Variants in ZSWIM5 observed in about 807,000 individuals in gnomAD.
ZSWIM5 encodes the protein zinc finger SWIM domain-containing protein 5.
Under a neutral mutation model 119.6 loss-of-function variants are expected in ZSWIM5, and 55 were observed. The observed-to-expected ratio is 0.46, with a 90% CI of 0.37 to 0.58. The LOEUF (loss-of-function observed/expected upper bound fraction) is 0.58. Among genes scored for constraint, ZSWIM5 ranks in the 20% least tolerant of loss-of-function variants. The pLI is 0.00. For missense variants in ZSWIM5, 1,193 were observed against 1,512.8 expected, an observed-to-expected ratio of 0.79 and a Z score of 3.51; for synonymous variants, 537 against 606.9, an observed-to-expected ratio of 0.88 and a Z score of 1.69.
chr1:45,132,594 C>T (rs1209312700), intron 1 of ZSWIM5, among the ~76,000 whole-genome samples: 1 of 151,766 alleles, frequency 6.6e-6, no homozygotes, highest in Non-Finnish European at 1.5e-5. Context: ...TATAATGTGC[C>T]TACGGGAAAA....
intron 1 of ZSWIM5, among the ~76,000 whole-genome samples, chr1:45,100,773 A>G (rs1645435117): frequency 6.6e-6 from 1 of 152,230 alleles, no homozygotes; most frequent in South Asian, 2.1e-4. Flanking sequence ...GATCTTTGAC[A>G]AACCTGACAA....
In ZSWIM5 at chr1:45,205,817, G is replaced by C. The variant is rs764774721; in HGVS notation, c.534C>G (p.Leu178=). The part of the protein sequence containing the change: ...AGAAGCGGEG[L]PFRRGIRLLD... The stretch of plus-strand genomic sequence containing the variant: ...GCAGACGGATGCCCCGGCGGAACGG[G>C]AGCCCCTCGCCACCGCAGCCGGCCG... The change falls in exon 1 of 14, where the codon CTC becomes CTG. Residue 178 remains leucine, a synonymous_variant. Coordinates refer to ENST00000359600, the MANE Select transcript of ZSWIM5 (RefSeq NM_020883.2). 17 of 1,532,010 alleles carry C rather than the reference G, an allele frequency of 1.1e-5. No homozygotes were observed. The Admixed American group carries it at 3.2e-4, about 29-fold the overall frequency. 94.9% of individuals were successfully genotyped at this position (1,532,010 alleles called of 1,614,324 possible).
intron 1 of ZSWIM5, among the ~76,000 whole-genome samples, chr1:45,090,197 C>G (rs1374969513): frequency 6.6e-6 from 1 of 152,128 alleles, no homozygotes; most frequent in East Asian, 1.9e-4. Context: ...TCACATAAAG[C>G]CACATTTAGG....
intron 1 of ZSWIM5, among the ~76,000 whole-genome samples, chr1:45,111,693 G>T: frequency 6.6e-6 from 1 of 152,224 alleles, no homozygotes; most frequent in Non-Finnish European, 1.5e-5. Flanking sequence ...GCCAGCAATG[G>T]CTGTATCTTA....
At chr1:45,129,896 A>C (rs1645644654) in intron 1 of ZSWIM5, among the ~76,000 whole-genome samples, 1 of 152,062 alleles carries the variant, frequency 6.6e-6, no homozygotes, top group Non-Finnish European at 1.5e-5. Context: ...AATCCATAAA[A>C]GGAAATTTTT....
chr1:45,172,845 T>A (rs901987409), intron 1 of ZSWIM5, among the ~76,000 whole-genome samples: 8 of 152,132 alleles, frequency 5.3e-5, no homozygotes, highest in African/African-American at 1.9e-4. Context: ...CTCTTCAGAA[T>A]GTTGTGCCTC....
intron 1 of ZSWIM5, among the ~76,000 whole-genome samples, chr1:45,135,635 T>A (rs1645684748): frequency 6.6e-6 from 1 of 152,222 alleles, no homozygotes. Context: ...AAGAGACACA[T>A]GTCTACTAAG....
intron 1 of ZSWIM5, among the ~76,000 whole-genome samples, chr1:45,175,344 A>G (rs184293266): frequency 8.0e-4 from 122 of 152,248 alleles, no homozygotes; most frequent in African/African-American, 2.8e-3. Flanking sequence ...GTTTGCCTGG[A>G]TTCCTCACTT....
At chr1:45,087,429 T>G (rs1645337422) in intron 2 of ZSWIM5, among the ~76,000 whole-genome samples, 1 of 152,226 alleles carries the variant, frequency 6.6e-6, no homozygotes. Context: ...CAATATATAG[T>G]TCATAAGCAC....
intron 1 of ZSWIM5, among the ~76,000 whole-genome samples, chr1:45,091,847 G>T (rs991383515): frequency 3.9e-5 from 6 of 152,022 alleles, no homozygotes; most frequent in African/African-American, 1.2e-4. Context: ...TTAGATTTGA[G>T]ACTGAAATAG....
At chr1:45,134,946 G>A (rs988639980) in intron 1 of ZSWIM5, among the ~76,000 whole-genome samples, 1 of 152,160 alleles carries the variant, frequency 6.6e-6, no homozygotes, top group Non-Finnish European at 1.5e-5. Context: ...ACACATCATT[G>A]TATGTATATA....
At chr1:45,038,842 C>T in intron 8 of ZSWIM5, 94 bp downstream of exon 8, 2 of 1,494,648 alleles carry the variant, frequency 1.3e-6, no homozygotes, top group Non-Finnish European at 1.8e-6. Context: ...GTAATCCACC[C>T]ACCTTGGCCT....
At position 45,099,999 on chromosome 1, in the gene ZSWIM5, G is replaced by GCCCT. The variant is rs1424295609; in HGVS notation, c.596-11766_596-11763dup. The stretch of plus-strand genomic sequence containing the variant: ...TTGAAAACTGGCACAAGACAGGGAT[G>GCCCT]CCCTCTCTCACAACTCCTATTCAAC... On this transcript the variant is annotated intron_variant, in intron 1 of 13. Transcript: ENST00000359600. 3.3e-5 allele frequency among the ~76,000 whole-genome samples: 5 copies of GCCCT among 152,308 alleles called. No homozygotes were observed. The East Asian group carries it at 9.6e-4, about 29-fold the overall frequency.
At position 45,206,217 on chromosome 1, in the gene ZSWIM5, CCTGCCCCTCCGCCGG is replaced by C. The variant is rs755895343; in HGVS notation, c.119_133del (p.Ala40_Ala44del). ...GACCAGGCAGCTGCTGCCGACGCCCCCTGCCCCTCCGCCGGCTGCCCCAGGCGAACCGCGAGGGTG... is the reference window on the plus strand; with the variant it reads ...GACCAGGCAGCTGCTGCCGACGCCCCCTGCCCCAGGCGAACCGCGAGGGTG... On this transcript the variant is annotated inframe_deletion, in exon 1 of 14. Coordinates refer to ENST00000359600, the MANE Select transcript of ZSWIM5 (RefSeq NM_020883.2). 23 of 1,588,158 alleles carry C rather than the reference CCTGCCCCTCCGCCGG, an allele frequency of 1.4e-5. 1 individual carries two copies. In the South Asian group the frequency reaches 2.5e-4, roughly 17 times the overall value.
At chr1:45,182,361 G>A (rs569424006) in intron 1 of ZSWIM5, among the ~76,000 whole-genome samples, 10 of 149,836 alleles carry the variant, frequency 6.7e-5, no homozygotes, top group Admixed American at 2.7e-4. Flanking sequence ...CGGAGATCGC[G>A]CCACAGCACT....
At chr1:45,070,791 C>CTTTGTTAAT (rs1241174779) in intron 2 of ZSWIM5, among the ~76,000 whole-genome samples, 1 of 152,010 alleles carries the variant, frequency 6.6e-6, no homozygotes, top group Non-Finnish European at 1.5e-5. Context: ...TTGTTAATTC[C>CTTTGTTAAT]TACATTGGCT....
intron 1 of ZSWIM5, among the ~76,000 whole-genome samples, chr1:45,198,886 T>C (rs751234366): frequency 2.0e-5 from 3 of 152,236 alleles, no homozygotes; most frequent in Non-Finnish European, 2.9e-5. Flanking sequence ...GTTTATACTT[T>C]TAATTTTTAT....
intron 1 of ZSWIM5, among the ~76,000 whole-genome samples, chr1:45,166,494 A>C (rs578197878): frequency 6.6e-6 from 1 of 152,194 alleles, no homozygotes; most frequent in South Asian, 2.1e-4. Context: ...GAAAGAAATA[A>C]AGGGTACTCA....
intron 11 of ZSWIM5, among the ~76,000 whole-genome samples, chr1:45,030,527 G>A (rs1253263406): frequency 3.9e-5 from 6 of 152,156 alleles, no homozygotes; most frequent in Admixed American, 2.0e-4. Flanking sequence ...GATTACAGGC[G>A]TGAGCCACTG....
Sources: allele counts gnomAD v4.1 joint callset (sites outside exome capture counted in the v4.1 genomes callset), GRCh38; gene constraint gnomAD v4.1.1; transcripts MANE v1.5; gene names NCBI Gene and HGNC (gene_info 2026-07-23, HGNC 2026-07-21).